Variants in LRRIQ1 observed in about 807,000 individuals in gnomAD.
LRRIQ1 encodes leucine rich repeats and IQ motif containing 1.
A neutral mutation model predicts 211.9 loss-of-function variants in LRRIQ1; 210 were observed. That is an observed-to-expected ratio of 0.99 (90% confidence interval 0.89 to 1.11). The LOEUF is 1.11. Among genes scored for constraint, LRRIQ1 ranks in the 50% most tolerant of loss-of-function variants. LRRIQ1 has a pLI of 0.00. For synonymous variants in LRRIQ1, 699 were observed against 650.1 expected (o/e 1.08, Z -1.14); for missense variants, 2,136 against 1,939.5 (o/e 1.10, Z -1.90).
At chr12:85,176,689 A>G (rs1307010920) in intron 24 of LRRIQ1, among the ~76,000 whole-genome samples, 1 of 151,518 alleles carries the variant, frequency 6.6e-6, no homozygotes, top group Non-Finnish European at 1.5e-5. Flanking sequence ...ACATGTATAC[A>G]TATGTAACTA....
chr12:85,214,631 A>T (rs1303860641), intron 24 of LRRIQ1, among the ~76,000 whole-genome samples: 1 of 152,068 alleles, frequency 6.6e-6, no homozygotes, highest in Non-Finnish European at 1.5e-5. Context: ...TTGCATTCCA[A>T]ATCAGTGAGG....
intron 11 of LRRIQ1, among the ~76,000 whole-genome samples, chr12:85,093,987 A>G (rs140122764): frequency 0.017 from 2,530 of 152,306 alleles, 42 homozygotes; most frequent in Middle Eastern, 0.027. Context: ...GCCAGGCTAG[A>G]AGAGGATCAA....
In LRRIQ1 at chr12:85,056,061, C is replaced by A; in HGVS notation, c.1268C>A (p.Ala423Asp). 6.3e-7 allele frequency: 1 copy of A among 1,594,524 alleles called. No individual in the cohort carries two copies. Among genetic ancestry groups the A allele is most frequent in the Non-Finnish European group, 8.5e-7 (1 of 1,174,462 alleles). ...EDISNDKGDI[A>D]KNLVDENSKK... ...ATTTCAAATGATAAGGGTGATATAG[C>A]CAAAAATCTAGTGGATGAAAATTCA... The change falls in exon 8 of 27, where the codon GCC becomes GAC. Residue 423 changes from alanine (A) to aspartate (D), a missense_variant. Physicochemically the swap from Ala to Asp is moderately radical, Grantham distance 126. Coordinates refer to ENST00000393217, the MANE Select transcript of LRRIQ1 (RefSeq NM_001079910.2).
chr12:85,141,623 C>G (rs1889544686), intron 19 of LRRIQ1, among the ~76,000 whole-genome samples: 1 of 111,592 alleles, frequency 9.0e-6, no homozygotes, highest in Non-Finnish European at 1.8e-5. Flanking sequence ...GTATATCTTT[C>G]TAACCATTCT....
rs774820878 is a variant in LRRIQ1 at position 85,055,871 on chromosome 12, A to G, written c.1078A>G (p.Arg360Gly). ...GCAAAAGGAAGAGGAAAGGAAAAGG[A>G]GAGAAAAAGAATATGAAGAAAAAAA... ...KKQKEEERKR[R>G]EKEYEEKKNI... The change falls in exon 8 of 27, where the codon AGA (arginine) becomes GGA (glycine). Residue 360 changes from arginine to glycine, a missense_variant. Physicochemically the swap from Arg to Gly is moderately radical, Grantham distance 125. Transcript: ENST00000393217. 10 of 1,593,802 alleles carry G rather than the reference A, an allele frequency of 6.3e-6. No homozygotes were observed. Among genetic ancestry groups the G allele is most frequent in the Non-Finnish European group, 7.7e-6 (9 of 1,173,482 alleles).
At chr12:85,230,608 A>G (rs183222819) in intron 25 of LRRIQ1, among the ~76,000 whole-genome samples, 2 of 152,358 alleles carry the variant, frequency 1.3e-5, no homozygotes, top group African/African-American at 4.8e-5. Context: ...GCCCCTAACA[A>G]TATGATATAA....
At chr12:85,118,805 T>C (rs1887769880) in intron 15 of LRRIQ1, among the ~76,000 whole-genome samples, 1 of 152,164 alleles carries the variant, frequency 6.6e-6, no homozygotes, top group Non-Finnish European at 1.5e-5. Flanking sequence ...ATAATCTCGC[T>C]TTGTCATTCT....
At chr12:85,046,337 A>G (rs535640844) in intron 5 of LRRIQ1, among the ~76,000 whole-genome samples, 200 bp downstream of exon 5, 1 of 152,188 alleles carries the variant, frequency 6.6e-6, no homozygotes, top group South Asian at 2.1e-4. Context: ...TGATTTAAAT[A>G]TTTTTTCCAC....
At position 85,057,082 on chromosome 12, in the gene LRRIQ1, A is replaced by C. The variant is rs1416240627; in HGVS notation, c.2289A>C (p.Lys763Asn). The C allele has an allele frequency of 1.2e-6, 2 of 1,608,650 alleles. No individual in the cohort carries two copies. The highest frequency in any genetic ancestry group is 3.4e-5 in the Admixed American group (2 of 58,882). ...TTTTCAAGCAAAATCAACAAAAGAAAATTGTTAGAAGAAAGAGACCTGTGA... is the reference window on the plus strand; with the variant it reads ...TTTTCAAGCAAAATCAACAAAAGAACATTGTTAGAAGAAAGAGACCTGTGA... ...LEIFKQNQQK[K>N]IVRRKRPVKC... The change falls in exon 8 of 27, where the codon AAA becomes AAC. Residue 763 changes from lysine to asparagine, a missense_variant. Coordinates refer to ENST00000393217, the MANE Select transcript of LRRIQ1 (RefSeq NM_001079910.2).
At chr12:85,150,371 T>G (rs1415542366) in intron 19 of LRRIQ1, among the ~76,000 whole-genome samples, 1 of 151,814 alleles carries the variant, frequency 6.6e-6, no homozygotes, top group Non-Finnish European at 1.5e-5. Flanking sequence ...AAAAAAACTC[T>G]AAGTTCTAAA....
downstream of LRRIQ1, among the ~76,000 whole-genome samples, chr12:85,247,187 T>C (rs1455329040): frequency 6.6e-6 from 1 of 151,662 alleles, no homozygotes; most frequent in Non-Finnish European, 1.5e-5. Flanking sequence ...AATATTTGGC[T>C]TAGTCTATTT....
chr12:85,263,133 A>G, exon 2 of LRRIQ1: 2 of 906,492 alleles, frequency 2.2e-6, no homozygotes, highest in East Asian at 1.2e-4. Context: ...CATGTTACCA[A>G]CTGGATACAA....
chr12:85,097,841 A>G (rs530560985), intron 11 of LRRIQ1, among the ~76,000 whole-genome samples: 33 of 152,208 alleles, frequency 2.2e-4, no homozygotes, highest in African/African-American at 7.9e-4. Context: ...ATAGTATCAT[A>G]CTGATTTTAA....
rs1160616 is a variant in LRRIQ1, at chr12:85,229,706, A to T, written c.4955+57A>T. 5,378 of 1,541,350 alleles carry T rather than the reference A, an allele frequency of 3.5e-3. 177 individuals are homozygous for T. In the African/African-American group the frequency reaches 0.067, roughly 19 times the overall value. Reference sequence around the variant, plus strand: ...TATTGTAAACACATCTTGAAAATTGAAACCTAGGTTAATTGTGCTAAAACA... The same window carrying T: ...TATTGTAAACACATCTTGAAAATTGTAACCTAGGTTAATTGTGCTAAAACA... On this transcript the variant is annotated intron_variant, in intron 25 of 26. Transcript: ENST00000393217.
intron 24 of LRRIQ1, among the ~76,000 whole-genome samples, chr12:85,200,969 G>A (rs980651876): frequency 8.7e-5 from 13 of 150,142 alleles, no homozygotes; most frequent in African/African-American, 3.0e-4. Context: ...GCAGGTGCAC[G>A]CCACCATTCC....
chr12:85,214,878 G>A (rs537852098), intron 24 of LRRIQ1, among the ~76,000 whole-genome samples: 5 of 151,950 alleles, frequency 3.3e-5, no homozygotes, highest in Admixed American at 6.6e-5. Flanking sequence ...CACATACATC[G>A]AAAGATGTCA....
At chr12:85,176,383 G>A (rs536024783) in intron 24 of LRRIQ1, among the ~76,000 whole-genome samples, 25 of 151,644 alleles carry the variant, frequency 1.6e-4, no homozygotes, top group South Asian at 4.2e-4. Context: ...CTGAAGTGGC[G>A]CATATACACC....
intron 1 of LRRIQ1, among the ~76,000 whole-genome samples, chr12:85,254,943 C>A (rs1455117341): frequency 6.6e-6 from 1 of 151,762 alleles, no homozygotes; most frequent in Non-Finnish European, 1.5e-5. Context: ...TGTGAATAAA[C>A]CTTTTGATAA....
intron 19 of LRRIQ1, among the ~76,000 whole-genome samples, chr12:85,140,195 C>T (rs1363495507): frequency 6.6e-6 from 1 of 151,226 alleles, no homozygotes; most frequent in Non-Finnish European, 1.5e-5. Context: ...GCCTGCTTTC[C>T]TCACTTCAGT....
Sources: allele counts gnomAD v4.1 joint callset (sites outside exome capture counted in the v4.1 genomes callset), GRCh38; gene constraint gnomAD v4.1.1; transcripts MANE v1.5; gene names NCBI Gene and HGNC (gene_info 2026-07-23, HGNC 2026-07-21).